The following CAMKMT variants were observed in gnomAD, a reference collection of about 807,000 sequenced individuals.
CAMKMT encodes the protein CaM KMT.
In CAMKMT, 53 loss-of-function variants were observed where a neutral mutation model predicts 48.0. The ratio of observed to expected loss-of-function variants is 1.10; its 90% CI spans 0.89 to 1.39. The LOEUF (loss-of-function observed/expected upper bound fraction) is 1.39. Among genes scored for constraint, CAMKMT ranks in the 40% most tolerant of loss-of-function variants. The probability of loss-of-function intolerance (pLI) is 0.00; values close to 1 mark genes in which losing one functional copy is unlikely to be tolerated. For missense variants in CAMKMT, 428 were observed against 402.7 expected, an observed-to-expected ratio of 1.06 and a Z score of -0.54; for synonymous variants, 165 against 152.3, an observed-to-expected ratio of 1.08 and a Z score of -0.61.
chr2:44,401,809 G>A (rs892479101), intron 3 of CAMKMT, among the ~76,000 whole-genome samples: 4 of 152,056 alleles, frequency 2.6e-5, no homozygotes, highest in Non-Finnish European at 4.4e-5. Flanking sequence ...GCCTTCTGAT[G>A]TCTTCCAGTT....
intron 3 of CAMKMT, among the ~76,000 whole-genome samples, chr2:44,398,863 T>C (rs765812476): frequency 8.5e-5 from 13 of 152,258 alleles, no homozygotes; most frequent in South Asian, 2.1e-4. Flanking sequence ...GAACAAAATA[T>C]TTGATGATTG....
chr2:44,460,998 A>G (rs898135580), intron 3 of CAMKMT, among the ~76,000 whole-genome samples: 6 of 152,178 alleles, frequency 3.9e-5, no homozygotes, highest in Non-Finnish European at 7.3e-5. Flanking sequence ...TGCTGGGATT[A>G]TAGGCATGAG....
At chr2:44,445,659 T>G (rs1257830337) in intron 3 of CAMKMT, among the ~76,000 whole-genome samples, 25 of 9,696 alleles carry the variant, frequency 2.6e-3, no homozygotes, top group African/African-American at 8.0e-3. Flanking sequence ...TTTTTTTTTT[T>G]TTTTTTTTTT....
chr2:44,452,874 C>T (rs1265056854), intron 3 of CAMKMT, among the ~76,000 whole-genome samples: 1 of 151,870 alleles, frequency 6.6e-6, no homozygotes, highest in African/African-American at 2.4e-5. Context: ...TTATTGGATG[C>T]CTTTGGGGTT....
chr2:44,483,176 A>T (rs183355448), intron 3 of CAMKMT, among the ~76,000 whole-genome samples: 3 of 152,166 alleles, frequency 2.0e-5, no homozygotes, highest in Non-Finnish European at 4.4e-5. Flanking sequence ...CTGAATAGAT[A>T]TGTCACCCTC....
chr2:44,540,982 C>G (rs902061878), intron 3 of CAMKMT, among the ~76,000 whole-genome samples: 1 of 152,224 alleles, frequency 6.6e-6, no homozygotes, highest in Non-Finnish European at 1.5e-5. Flanking sequence ...ATCTTTGTCT[C>G]AATGATTTGA....
At chr2:44,596,006 G>A (rs373193150) in intron 3 of CAMKMT, among the ~76,000 whole-genome samples, 1 of 151,910 alleles carries the variant, frequency 6.6e-6, no homozygotes, top group Non-Finnish European at 1.5e-5. Context: ...GACTGGGGGA[G>A]GAGTAGCATT....
chr2:44,631,387 T>TAC (rs1672816845), intron 3 of CAMKMT: 1 of 439,236 alleles, frequency 2.3e-6, no homozygotes, highest in Non-Finnish European at 3.9e-6. Context: ...CCCTAAAACT[T>TAC]AAAGTATAAT....
intron 3 of CAMKMT, among the ~76,000 whole-genome samples, chr2:44,686,983 C>T (rs970403112): frequency 6.6e-6 from 1 of 152,214 alleles, no homozygotes; most frequent in South Asian, 2.1e-4. Context: ...GCATGGTGAT[C>T]ATGTAAAAGT....
intron 1 of CAMKMT, among the ~76,000 whole-genome samples, chr2:44,367,084 T>G (rs1462168388): frequency 6.6e-6 from 1 of 152,166 alleles, no homozygotes; most frequent in Admixed American, 6.5e-5. Context: ...GATAAGGTTT[T>G]CTGGTTTTTA....
chr2:44,462,816 T>C (rs1392375397), intron 3 of CAMKMT, among the ~76,000 whole-genome samples: 1 of 152,214 alleles, frequency 6.6e-6, no homozygotes, highest in Admixed American at 6.5e-5. Context: ...AAAGATTTCT[T>C]CTTTATCTCC....
At chr2:44,517,870 TTTAA>T (rs1296171287) in intron 3 of CAMKMT, among the ~76,000 whole-genome samples, 5 of 152,236 alleles carry the variant, frequency 3.3e-5, no homozygotes, top group Admixed American at 1.3e-4. Flanking sequence ...CATTTAGCAG[TTTAA>T]TTAATTTGTT....
chr2:44,386,734 G>A (rs1170563441), intron 2 of CAMKMT, among the ~76,000 whole-genome samples: 1 of 151,968 alleles, frequency 6.6e-6, no homozygotes, highest in Non-Finnish European at 1.5e-5. Context: ...CATTCAGTTC[G>A]AAGAATTTTT....
At position 44,587,052 on chromosome 2, in the gene CAMKMT, G is replaced by A. The variant is rs112955060; in HGVS notation, c.377-117231G>A. 1.2e-3 allele frequency among the ~76,000 whole-genome samples: 190 copies of A among 152,228 alleles called. 2 individuals are homozygous for A. The highest frequency in any genetic ancestry group is 4.3e-3 in the African/African-American group (179 of 41,530). ...CTTCTCAAATGATCATCTTTTCATT[G>A]CTTATTTGTCATCTATGTATCTTCT... On this transcript the variant is annotated intron_variant, in intron 3 of 10. Transcript: ENST00000378494.
chr2:44,771,388 C>A (rs989427296), intron 10 of CAMKMT, among the ~76,000 whole-genome samples: 2 of 152,112 alleles, frequency 1.3e-5, no homozygotes, highest in Admixed American at 1.3e-4. Context: ...AAGTGTACTT[C>A]ATATGTGAGA....
At chr2:44,562,287 C>G (rs999761730) in intron 3 of CAMKMT, among the ~76,000 whole-genome samples, 4 of 152,194 alleles carry the variant, frequency 2.6e-5, no homozygotes, top group Non-Finnish European at 4.4e-5. Flanking sequence ...TTTCTTGGCA[C>G]TATCCACAGT....
At chr2:44,739,317 T>C (rs545695999) in intron 7 of CAMKMT, among the ~76,000 whole-genome samples, 1 of 152,282 alleles carries the variant, frequency 6.6e-6, no homozygotes, top group South Asian at 2.1e-4. Flanking sequence ...AGTGGTTAGA[T>C]TTTGATATAT....
chr2:44,387,990 A>G (rs1320248079), intron 2 of CAMKMT, among the ~76,000 whole-genome samples: 1 of 152,104 alleles, frequency 6.6e-6, no homozygotes. Context: ...ACTTTTGATA[A>G]TCGATGGCAG....
chr2:44,771,624 G>A (rs1681115131), intron 10 of CAMKMT, among the ~76,000 whole-genome samples: 2 of 152,114 alleles, frequency 1.3e-5, no homozygotes, highest in African/African-American at 4.8e-5. Flanking sequence ...ATGTTGCCAC[G>A]GACTCCAAGC....
Sources: allele counts gnomAD v4.1 joint callset (sites outside exome capture counted in the v4.1 genomes callset), GRCh38; gene constraint gnomAD v4.1.1; transcripts MANE v1.5; gene names NCBI Gene and HGNC (gene_info 2026-07-23, HGNC 2026-07-21).